The following KCNH5 variants were observed in gnomAD, a reference collection of about 807,000 sequenced individuals.
The protein encoded by KCNH5 is potassium voltage-gated channel subfamily H member 5.
In KCNH5, 46 loss-of-function variants were observed where a neutral mutation model predicts 96.1. The ratio of observed to expected loss-of-function variants is 0.48; its 90% CI spans 0.38 to 0.61. The LOEUF (loss-of-function observed/expected upper bound fraction) is 0.61. Ranked by LOEUF, KCNH5 falls within the 20% of genes least tolerant of loss-of-function variation. KCNH5 has a pLI of 0.00. For synonymous variants in KCNH5, 439 were observed against 449.8 expected, an observed-to-expected ratio of 0.98 and a Z score of 0.30; for missense variants, 907 against 1,225.8, an observed-to-expected ratio of 0.74 and a Z score of 3.88.
At chr14:62,783,679 T>A (rs11848421) in intron 9 of KCNH5, among the ~76,000 whole-genome samples, 2 of 152,098 alleles carry the variant, frequency 1.3e-5, no homozygotes, top group East Asian at 1.9e-4. Context: ...TATAGTGTTA[T>A]TAATGATAAC....
intron 6 of KCNH5, among the ~76,000 whole-genome samples, chr14:62,971,963 C>T (rs185795668): frequency 6.6e-6 from 1 of 152,164 alleles, no homozygotes; most frequent in Non-Finnish European, 1.5e-5. Flanking sequence ...TTTATAGATA[C>T]AACACCAAAG....
At chr14:62,734,305 G>C (rs1885111790) in intron 10 of KCNH5, among the ~76,000 whole-genome samples, 1 of 152,072 alleles carries the variant, frequency 6.6e-6, no homozygotes, top group Non-Finnish European at 1.5e-5. Context: ...AGTTTGAGCT[G>C]TTTCAAGGCA....
chr14:63,016,489 G>C (rs1252444338), intron 2 of KCNH5, among the ~76,000 whole-genome samples: 1 of 152,020 alleles, frequency 6.6e-6, no homozygotes, highest in Non-Finnish European at 1.5e-5. Context: ...AGTTGTTCCA[G>C]AGGTGCTGTA....
At chr14:62,995,772 G>A (rs1890895177) in intron 4 of KCNH5, among the ~76,000 whole-genome samples, 2 of 152,118 alleles carry the variant, frequency 1.3e-5, no homozygotes, top group Non-Finnish European at 2.9e-5. Context: ...CTGAGACAAC[G>A]GGAGCAATCA....
chr14:63,011,856 G>C (rs76817830), intron 2 of KCNH5, among the ~76,000 whole-genome samples: 21 of 152,248 alleles, frequency 1.4e-4, no homozygotes, highest in Admixed American at 2.6e-4. Context: ...TAAAACTGCT[G>C]TGAAATCTGC....
At chr14:62,874,411 A>G (rs963099603) in intron 7 of KCNH5, among the ~76,000 whole-genome samples, 2 of 152,210 alleles carry the variant, frequency 1.3e-5, no homozygotes, top group East Asian at 3.9e-4. Context: ...CAAAACCACA[A>G]TGAGATACCA....
intron 7 of KCNH5, among the ~76,000 whole-genome samples, chr14:62,867,501 C>T (rs546448244): frequency 3.5e-4 from 54 of 152,260 alleles, no homozygotes; most frequent in Middle Eastern, 3.4e-3. Context: ...TTCTTAACTA[C>T]ATCCACAGCT....
rs1401830324 is a variant in KCNH5 at position 62,704,043 on chromosome 14, A to G, written c.*3465T>C. 1 of 151,878 alleles carries G rather than the reference A, an allele frequency of 6.6e-6. No homozygotes were observed. The highest frequency in any genetic ancestry group is 1.5e-5 in the Non-Finnish European group (1 of 67,800). 9.4% of individuals were successfully genotyped at this position (151,878 alleles called of 1,614,324 possible). ...GGGTGAACAAAATCTCCTTAAACAG[A>G]AGGGAAAATGTGATTTTCATTTGGG... On this transcript the variant is annotated 3_prime_UTR_variant, in exon 11 of 11. Coordinates refer to ENST00000322893, the MANE Select transcript of KCNH5 (RefSeq NM_139318.5).
Position 62,802,553 on chromosome 14 carries a change from C to T in KCNH5, c.1598G>A (p.Arg533Lys). Reference protein sequence around the residue: ...KVLSICPKDMRADICVHLNRK... With the variant: ...KVLSICPKDMKADICVHLNRK... ...GTTTAGATGAACACAGATATCAGCT[C>T]TCATGTCCTTGGGACAGATGGAGAG... is the stretch of plus-strand genomic sequence containing the variant. Residue 533 changes from arginine (R) to lysine (K), a missense_variant, in exon 9 of 11, where the codon AGA (arginine) becomes AAA (lysine). Transcript: ENST00000322893. 2 of 1,614,072 alleles carry T rather than the reference C, an allele frequency of 1.2e-6. No homozygotes were observed. Among genetic ancestry groups the T allele is most frequent in the Non-Finnish European group, 1.7e-6 (2 of 1,179,986 alleles).
intron 6 of KCNH5, among the ~76,000 whole-genome samples, chr14:62,960,933 AAAG>A (rs1394748141): frequency 6.6e-6 from 1 of 152,200 alleles, no homozygotes; most frequent in Non-Finnish European, 1.5e-5. Context: ...ACAGACAGAC[AAAG>A]AATAGGCACT....
intron 7 of KCNH5, among the ~76,000 whole-genome samples, chr14:62,877,021 G>A (rs962282994): frequency 2.0e-5 from 3 of 152,160 alleles, no homozygotes; most frequent in African/African-American, 7.2e-5. Context: ...TCTCAAGTTT[G>A]TCAAAGATCA....
chr14:62,799,580 A>T (rs750245553), intron 9 of KCNH5, among the ~76,000 whole-genome samples: 1 of 145,942 alleles, frequency 6.9e-6, no homozygotes, highest in Non-Finnish European at 1.5e-5. Flanking sequence ...TCTCAAAAAA[A>T]AAAAAAAAAA....
chr14:62,799,726 T>TACACACACAC (rs67691300), intron 9 of KCNH5, among the ~76,000 whole-genome samples: 2 of 68,664 alleles, frequency 2.9e-5, no homozygotes, highest in African/African-American at 5.0e-5. Context: ...TATATATATA[T>TACACACACAC]ACACACACAC....
At chr14:62,985,464 C>T (rs896279248) in intron 5 of KCNH5, among the ~76,000 whole-genome samples, 55 of 152,288 alleles carry the variant, frequency 3.6e-4, no homozygotes, top group African/African-American at 1.3e-3. Flanking sequence ...TTTTCTGCAG[C>T]AGAGAAAACT....
chr14:62,887,367 T>C (rs1888618212), intron 7 of KCNH5, among the ~76,000 whole-genome samples: 1 of 152,182 alleles, frequency 6.6e-6, no homozygotes, highest in Admixed American at 6.5e-5. Flanking sequence ...AGACTTAAGA[T>C]GTAAAGTTAT....
chr14:62,817,826 TTA>T (rs888278228), intron 8 of KCNH5, among the ~76,000 whole-genome samples: 1 of 145,266 alleles, frequency 6.9e-6, no homozygotes, highest in Admixed American at 7.0e-5. Flanking sequence ...ATTATATATA[TTA>T]TATATATATA....
intron 1 of KCNH5, among the ~76,000 whole-genome samples, chr14:63,039,720 G>A (rs540344657): frequency 1.7e-3 from 264 of 152,152 alleles, no homozygotes; most frequent in African/African-American, 6.1e-3. Context: ...TCACTTTCGT[G>A]TAGTTATAAA....
intron 3 of KCNH5, among the ~76,000 whole-genome samples, chr14:63,002,028 A>G (rs1486884314): frequency 6.6e-6 from 1 of 152,166 alleles, no homozygotes; most frequent in Non-Finnish European, 1.5e-5. Context: ...TCCCCACATC[A>G]GAGAGAGAGG....
At chr14:63,032,510 C>G (rs931367553) in intron 1 of KCNH5, among the ~76,000 whole-genome samples, 7 of 152,134 alleles carry the variant, frequency 4.6e-5, no homozygotes, top group African/African-American at 1.7e-4. Flanking sequence ...AACCATGTAG[C>G]AATCACTAAC....
Sources: gnomAD v4.1 joint callset for allele counts (sites outside exome capture counted in the v4.1 genomes callset) on GRCh38, gnomAD v4.1.1 for gene constraint, MANE v1.5 for transcripts, NCBI Gene and HGNC (gene_info 2026-07-23, HGNC 2026-07-21) for gene names.